The following ZNF804B variants were observed in gnomAD, a reference collection of about 807,000 sequenced individuals.
The protein encoded by ZNF804B is zinc finger 804B.
ZNF804B carries 80 observed loss-of-function variants against 101.4 expected under a neutral mutation model. That is an observed-to-expected ratio of 0.79 (90% CI 0.66 to 0.95). The LOEUF is 0.95. ZNF804B is among the 40% of genes least tolerant of loss of function. The pLI is 0.00. For missense variants in ZNF804B, 1,673 were observed against 1,561.9 expected, an observed-to-expected ratio of 1.07 and a Z score of -1.20; for synonymous variants, 622 against 558.8, an observed-to-expected ratio of 1.11 and a Z score of -1.59.
chr7:89,303,703 C>T lies in ZNF804B; in HGVS notation c.250-23641C>T, dbSNP rs1300767844. Among the ~76,000 whole-genome samples, 3 of 151,738 alleles carry T rather than the reference C, an allele frequency of 2.0e-5. No individual in the cohort carries two copies. The South Asian group carries it at 6.2e-4, about 31-fold the overall frequency. ...GTGAAAATCTTACAATTCATGTGGG[C>T]TATTGGTGGTATTTCATTGTAGTAA... On this transcript the variant is annotated intron_variant, in intron 2 of 3. Transcript: ENST00000333190.
chr7:88,835,590 G>A (rs1046039032), intron 1 of ZNF804B, among the ~76,000 whole-genome samples: 6 of 151,854 alleles, frequency 4.0e-5, no homozygotes, highest in African/African-American at 1.4e-4. Context: ...AAAAAGCCAT[G>A]AGTTCAAAAT....
At chr7:89,031,219 A>G (rs1788829561) in intron 1 of ZNF804B, among the ~76,000 whole-genome samples, 1 of 150,732 alleles carries the variant, frequency 6.6e-6, no homozygotes. Context: ...GTGTATATAT[A>G]TATATATCAG....
chr7:89,290,064 C>A (rs532929488), intron 2 of ZNF804B, among the ~76,000 whole-genome samples: 1 of 152,262 alleles, frequency 6.6e-6, no homozygotes, highest in South Asian at 2.1e-4. Context: ...GTGAGGCCAC[C>A]CTTCCAGTCC....
intron 1 of ZNF804B, among the ~76,000 whole-genome samples, chr7:88,858,943 A>G (rs543883910): frequency 6.6e-6 from 1 of 152,218 alleles, no homozygotes; most frequent in Non-Finnish European, 1.5e-5. Context: ...ACAGCTTGAG[A>G]TGGAAGATTA....
chr7:89,074,364 G>C (rs184988531), intron 1 of ZNF804B, among the ~76,000 whole-genome samples: 1 of 152,278 alleles, frequency 6.6e-6, no homozygotes. Flanking sequence ...TGTGTCATGA[G>C]AGGAACCCAG....
chr7:89,304,287 A>G (rs1790527152), intron 2 of ZNF804B, among the ~76,000 whole-genome samples: 1 of 151,804 alleles, frequency 6.6e-6, no homozygotes, highest in African/African-American at 2.4e-5. Context: ...ACTTCTCCCA[A>G]AACATCCTCC....
At chr7:88,819,754 A>G (rs1044490047) in intron 1 of ZNF804B, among the ~76,000 whole-genome samples, 1 of 152,198 alleles carries the variant, frequency 6.6e-6, no homozygotes, top group African/African-American at 2.4e-5. Context: ...AAATACATAT[A>G]CATTTAACAG....
In ZNF804B at chr7:88,827,930, T is replaced by A. The variant is rs534639764; in HGVS notation, c.108+67846T>A. On this transcript the variant is annotated intron_variant, in intron 1 of 3. Transcript: ENST00000333190. ...AGTATCAGATACAAAAATCTTCTTT[T>A]TTTCTATCTCTGCTGCATGATTGTA... Among the ~76,000 whole-genome samples the A allele has an allele frequency of 1.4e-4, 22 of 152,290 alleles. 1 individual carries two copies. The South Asian group carries it at 4.1e-3, about 29-fold the overall frequency.
intron 1 of ZNF804B, among the ~76,000 whole-genome samples, chr7:89,145,271 G>A (rs1310363266): frequency 6.6e-6 from 1 of 151,942 alleles, no homozygotes; most frequent in African/African-American, 2.4e-5. Flanking sequence ...CTGAAAAGCA[G>A]AGAAGGAGCC....
chr7:88,783,167 A>T (rs1315105435), intron 1 of ZNF804B, among the ~76,000 whole-genome samples: 1 of 152,182 alleles, frequency 6.6e-6, no homozygotes, highest in African/African-American at 2.4e-5. Context: ...CCCTCACCCC[A>T]TAAGTCAACC....
intron 2 of ZNF804B, among the ~76,000 whole-genome samples, chr7:89,257,960 C>A (rs1041995624): frequency 1.3e-5 from 2 of 151,982 alleles, no homozygotes; most frequent in African/African-American, 4.8e-5. Flanking sequence ...CATAAAGTCA[C>A]CCCATCCAAA....
chr7:89,141,929 A>G (rs186821685), intron 1 of ZNF804B, among the ~76,000 whole-genome samples: 3 of 151,674 alleles, frequency 2.0e-5, no homozygotes, highest in Admixed American at 2.0e-4. Flanking sequence ...ATTTCTCAAC[A>G]TAAACTTCAT....
At chr7:89,095,611 T>G (rs1789960532) in intron 1 of ZNF804B, among the ~76,000 whole-genome samples, 1 of 152,130 alleles carries the variant, frequency 6.6e-6, no homozygotes, top group Admixed American at 6.6e-5. Flanking sequence ...TTTGTGAAGG[T>G]ATACATATAT....
At chr7:88,934,850 C>G (rs947317360) in intron 1 of ZNF804B, among the ~76,000 whole-genome samples, 1 of 151,734 alleles carries the variant, frequency 6.6e-6, no homozygotes, top group African/African-American at 2.4e-5. Context: ...GTAGAACTAC[C>G]ATTCAATCCA....
At chr7:89,245,556 T>C (rs1789429876) in intron 2 of ZNF804B, among the ~76,000 whole-genome samples, 1 of 152,204 alleles carries the variant, frequency 6.6e-6, no homozygotes, top group South Asian at 2.1e-4. Flanking sequence ...ACTTGGAAAT[T>C]GTAAGAATTA....
Position 89,265,282 on chromosome 7 carries a change from GTGTGTGT to G in ZNF804B, c.249+46988_249+46994del, listed in dbSNP as rs1562931311. ...GTTAAGTCAGTGTGTGTGTGTGTGT[GTGTGTGT>G]GTGTGCGCGTGCGCGCGCGCACACA... On this transcript the variant is annotated intron_variant, in intron 2 of 3. Transcript: ENST00000333190. Among the ~76,000 whole-genome samples, 15 of 99,432 alleles carry G rather than the reference GTGTGTGT, an allele frequency of 1.5e-4. No homozygotes were observed. In the East Asian group the frequency reaches 4.8e-3, roughly 32 times the overall value. The allele number at this position is 99,432 out of a possible 152,430, so 65.2% of individuals were successfully genotyped here.
intron 1 of ZNF804B, among the ~76,000 whole-genome samples, chr7:89,045,243 C>T (rs373251509): frequency 6.1e-4 from 93 of 152,274 alleles, no homozygotes; most frequent in African/African-American, 1.9e-3. Context: ...AGATTTCAGA[C>T]GACGTATGGA....
intron 1 of ZNF804B, among the ~76,000 whole-genome samples, chr7:88,866,812 T>C (rs929395915): frequency 2.0e-5 from 3 of 152,230 alleles, no homozygotes; most frequent in Non-Finnish European, 2.9e-5. Context: ...GAAATACCCA[T>C]ATTTAGCTTG....
intron 1 of ZNF804B, among the ~76,000 whole-genome samples, chr7:88,965,312 C>G (rs1210667388): frequency 2.0e-5 from 3 of 151,326 alleles, no homozygotes; most frequent in African/African-American, 7.3e-5. Context: ...TTTTGTTTCT[C>G]TCTTTGTTTT....
Sources: allele counts gnomAD v4.1 joint callset (sites outside exome capture counted in the v4.1 genomes callset), GRCh38; gene constraint gnomAD v4.1.1; transcripts MANE v1.5; gene names NCBI Gene and HGNC (gene_info 2026-07-23, HGNC 2026-07-21).